HTR2B: variants seen among roughly 807,000 people sequenced by gnomAD.
The protein encoded by HTR2B is 5-HT 2B receptor.
In HTR2B, 31 loss-of-function variants were observed where a neutral mutation model predicts 39.8. The observed-to-expected ratio is 0.78, with a 90% CI of 0.58 to 1.05. The LOEUF is 1.05. Ranked by LOEUF, HTR2B falls within the 50% of genes least tolerant of loss-of-function variation. The pLI is 0.00. For missense variants in HTR2B, 562 were observed against 578.0 expected, an observed-to-expected ratio of 0.97 and a Z score of 0.28; for synonymous variants, 210 against 207.1, an observed-to-expected ratio of 1.01 and a Z score of -0.12.
intron 1 of HTR2B, among the ~76,000 whole-genome samples, 165 bp downstream of exon 1, chr2:231,124,806 CA>C (rs1222049416): frequency 6.6e-6 from 1 of 151,930 alleles, no homozygotes; most frequent in Non-Finnish European, 1.5e-5. Context: ...ATTTGTTCAT[CA>C]AATGTACAAA....
intron 2 of HTR2B, among the ~76,000 whole-genome samples, chr2:231,121,178 ATTT>A (rs1183611223): frequency 6.6e-6 from 1 of 152,176 alleles, no homozygotes; most frequent in Non-Finnish European, 1.5e-5. Flanking sequence ...TATACAACTT[ATTT>A]CTGATAGTAA....
At chr2:231,119,544 G>A (rs1695458673) in intron 2 of HTR2B, among the ~76,000 whole-genome samples, 1 of 152,144 alleles carries the variant, frequency 6.6e-6, no homozygotes, top group African/African-American at 2.4e-5. Flanking sequence ...CACGGATACT[G>A]TTTGAACTTA....
Position 231,108,343 on chromosome 2 carries a change from A to T in HTR2B, c.*174T>A. The stretch of plus-strand genomic sequence containing the variant: ...GTAGCTATATAAAATTATTTTCCTC[A>T]TGGAATAATCTTGTCCAAATTAGGA... On this transcript the variant is annotated 3_prime_UTR_variant, in exon 4 of 4. Transcript: ENST00000258400. 1.8e-6 allele frequency: 1 copy of T among 571,084 alleles called. No individual in the cohort carries two copies. The highest frequency in any genetic ancestry group is 2.4e-5 in the South Asian group (1 of 40,898). 35.4% of individuals were successfully genotyped at this position (571,084 alleles called of 1,614,324 possible).
chr2:231,119,869 CAAAA>C (rs78246469), intron 2 of HTR2B, among the ~76,000 whole-genome samples: 16 of 80,040 alleles, frequency 2.0e-4, no homozygotes, highest in African/African-American at 7.2e-4. Context: ...GACTCCGTCT[CAAAA>C]AAAAAAAAAA....
intron 3 of HTR2B, among the ~76,000 whole-genome samples, chr2:231,112,820 T>A (rs1324497266): frequency 6.6e-6 from 1 of 151,626 alleles, no homozygotes; most frequent in Admixed American, 6.5e-5. Flanking sequence ...ATACATAATT[T>A]CTGAACATCG....
chr2:231,115,723 G>A (rs1463177485), intron 2 of HTR2B, among the ~76,000 whole-genome samples: 1 of 152,070 alleles, frequency 6.6e-6, no homozygotes, highest in Non-Finnish European at 1.5e-5. Flanking sequence ...GTAAGGAGGG[G>A]AGGCATTTAT....
rs779950446 is a variant in HTR2B at position 231,109,040 on chromosome 2, A to G, written c.923T>C (p.Ile308Thr). The G allele has an allele frequency of 1.3e-5, 21 of 1,614,110 alleles. No individual in the cohort carries two copies. The highest frequency in any genetic ancestry group is 1.5e-5 in the Non-Finnish European group (18 of 1,180,044). The change falls in exon 4 of 4, where the codon ATT becomes ACT. Residue 308 changes from isoleucine to threonine, a missense_variant. Physicochemically the swap from Ile to Thr is moderately conservative, Grantham distance 89. Coordinates refer to ENST00000258400, the MANE Select transcript of HTR2B (RefSeq NM_000867.5). ...AATGGTCTGCACTGACTTTTTCCCA[A>G]TTGTGGATGTTCTTCGCATAAGTGT... ...DETLMRRTST[I>T]GKKSVQTISN... is the part of the protein sequence containing the mutation.
In HTR2B at chr2:231,124,114, A is replaced by G. The variant is rs1574753902; in HGVS notation, c.-350T>C. On this transcript the variant is annotated 5_prime_UTR_variant, in exon 2 of 4. An upstream start codon of the reference 5' UTR is lost. Coordinates refer to ENST00000258400, the MANE Select transcript of HTR2B (RefSeq NM_000867.5). ...GTTGTAGAGTCGTGTTTGAACTTGCATGCCAGAGAGTTCCCCCTAGATACA... is the reference window on the plus strand; with the variant it reads ...GTTGTAGAGTCGTGTTTGAACTTGCGTGCCAGAGAGTTCCCCCTAGATACA... 1 of 260,004 alleles carries G rather than the reference A, an allele frequency of 3.8e-6. No homozygotes were observed. Among genetic ancestry groups the G allele is most frequent in the Non-Finnish European group, 7.5e-6 (1 of 132,478 alleles). The allele number at this position is 260,004 out of a possible 1,614,324, so 16.1% of individuals were successfully genotyped here.
intron 3 of HTR2B, among the ~76,000 whole-genome samples, chr2:231,110,835 C>T (rs908982975): frequency 2.6e-5 from 4 of 152,202 alleles, no homozygotes; most frequent in Non-Finnish European, 5.9e-5. Context: ...TGTTCTACTG[C>T]AGCAGAATGG....
intron 3 of HTR2B, among the ~76,000 whole-genome samples, chr2:231,111,518 A>G (rs746030794): frequency 6.6e-6 from 1 of 152,208 alleles, no homozygotes; most frequent in African/African-American, 2.4e-5. Context: ...TTATATTATT[A>G]TACTTTCTGT....
rs376620755 is a variant in HTR2B at position 231,108,751 on chromosome 2, T to A, written c.1212A>T (p.Ser404=). The change falls in exon 4 of 4, where the codon TCA becomes TCT. Residue 404 remains serine, a synonymous_variant. Coordinates refer to ENST00000258400, the MANE Select transcript of HTR2B (RefSeq NM_000867.5). ...YITCNYRATK[S]VKTLRKRSSK... ...TGGAGCGTTTTCTGAGAGTTTTTACTGACTTTGTGGCCCGGTAATTGCAGG... is the reference window on the plus strand; with the variant it reads ...TGGAGCGTTTTCTGAGAGTTTTTACAGACTTTGTGGCCCGGTAATTGCAGG... The A allele has an allele frequency of 6.2e-7, 1 of 1,614,060 alleles. No homozygotes were observed. The highest frequency in any genetic ancestry group is 1.3e-5 in the African/African-American group (1 of 74,926).
At chr2:231,121,383 ATAAATT>A (rs1695537132) in intron 2 of HTR2B, among the ~76,000 whole-genome samples, 1 of 152,314 alleles carries the variant, frequency 6.6e-6, no homozygotes, top group Admixed American at 6.5e-5. Context: ...ATAAATAAAA[ATAAATT>A]TAAAGTTAAT....
rs1024560090 is a variant in HTR2B, at chr2:231,115,837, A to G, written c.353-1908T>C. Among the ~76,000 whole-genome samples the G allele has an allele frequency of 5.9e-5, 9 of 152,154 alleles. No individual in the cohort carries two copies. In the East Asian group the frequency reaches 1.7e-3, roughly 29 times the overall value. On this transcript the variant is annotated intron_variant, in intron 2 of 3. Transcript: ENST00000258400. ...ATCGGCATCACCTGGGTACTTAGATATGCAGGCTCTTGGGTCTCATCTCAG... is the reference window on the plus strand; with the variant it reads ...ATCGGCATCACCTGGGTACTTAGATGTGCAGGCTCTTGGGTCTCATCTCAG...
At chr2:231,118,130 T>A (rs1012973807) in intron 2 of HTR2B, among the ~76,000 whole-genome samples, 1 of 152,128 alleles carries the variant, frequency 6.6e-6, no homozygotes, top group Non-Finnish European at 1.5e-5. Context: ...GGGATAATAG[T>A]ACCTGTTTTA....
chr2:231,122,903 G>C (rs1462095622), intron 2 of HTR2B, among the ~76,000 whole-genome samples: 3 of 152,116 alleles, frequency 2.0e-5, no homozygotes, highest in Non-Finnish European at 4.4e-5. Flanking sequence ...TTGTGTTCAA[G>C]TTTATAATAT....
intron 2 of HTR2B, among the ~76,000 whole-genome samples, chr2:231,116,967 A>G (rs1695361402): frequency 6.6e-6 from 1 of 152,020 alleles, no homozygotes; most frequent in Non-Finnish European, 1.5e-5. Flanking sequence ...ATACAACACA[A>G]AAAAGAAAAA....
chr2:231,115,319 A>G (rs563944762), intron 2 of HTR2B, among the ~76,000 whole-genome samples: 1 of 152,152 alleles, frequency 6.6e-6, no homozygotes, highest in Middle Eastern at 3.2e-3. Context: ...GCACTTGACA[A>G]AGTATCCAGA....
intron 3 of HTR2B, among the ~76,000 whole-genome samples, chr2:231,112,830 G>A (rs567877254): frequency 3.9e-5 from 6 of 152,094 alleles, no homozygotes; most frequent in Non-Finnish European, 7.4e-5. Flanking sequence ...TCTGAACATC[G>A]GTATGTTTTC....
chr2:231,108,762 C>A lies in HTR2B; in HGVS notation c.1201G>T (p.Ala401Ser). 3 of 1,614,070 alleles carry A rather than the reference C, an allele frequency of 1.9e-6. No homozygotes were observed. The South Asian group carries it at 3.3e-5, about 18-fold the overall frequency. The part of the protein sequence containing the change: ...FGRYITCNYR[A>S]TKSVKTLRKR... Reference sequence around the variant, plus strand: ...CTGAGAGTTTTTACTGACTTTGTGGCCCGGTAATTGCAGGTGATATATCGG... The same window carrying A: ...CTGAGAGTTTTTACTGACTTTGTGGACCGGTAATTGCAGGTGATATATCGG... Residue 401 changes from alanine to serine, a missense_variant, in exon 4 of 4, where the codon GCC (alanine) becomes TCC (serine). Physicochemically the swap from Ala to Ser is moderately conservative, Grantham distance 99 (BLOSUM62 1). Transcript: ENST00000258400.
Sources: gnomAD v4.1 joint callset for allele counts (sites outside exome capture counted in the v4.1 genomes callset) on GRCh38, gnomAD v4.1.1 for gene constraint, MANE v1.5 for transcripts, NCBI Gene and HGNC (gene_info 2026-07-23, HGNC 2026-07-21) for gene names.